Variants in TUBGCP3 observed in about 807,000 individuals in gnomAD.
TUBGCP3 encodes tubulin gamma complex component 3, also known as gamma-tubulin complex component 3.
TUBGCP3 carries 50 observed loss-of-function variants against 123.1 expected under a neutral mutation model. The observed-to-expected ratio is 0.41, with a 90% CI of 0.32 to 0.51. The LOEUF is 0.51. Ranked by LOEUF, TUBGCP3 falls within the 20% of genes least tolerant of loss-of-function variation. TUBGCP3 has a pLI of 0.36. For synonymous variants in TUBGCP3, 405 were observed against 413.9 expected (o/e 0.98, Z 0.26); for missense variants, 882 against 1,127.0 (o/e 0.78, Z 3.11).
At chr13:112,550,393 A>G (rs995275022) in intron 8 of TUBGCP3, among the ~76,000 whole-genome samples, 1 of 152,190 alleles carries the variant, frequency 6.6e-6, no homozygotes, top group African/African-American at 2.4e-5. Context: ...AAATGTGAAC[A>G]TTTTCAAGTA....
At chr13:112,592,320 G>A (rs113529456), upstream of TUBGCP3, among the ~76,000 whole-genome samples, 1,433 of 152,324 alleles carry the variant, frequency 9.4e-3, 25 homozygotes, top group African/African-American at 0.032. The surrounding 1 kb of genome is among the most constrained non-coding windows in gnomAD (Gnocchi z 4.1). Context: ...GTGAGGTGCT[G>A]AGCGAGAGGG....
At chr13:112,505,429 C>T (rs990113055) in intron 17 of TUBGCP3, among the ~76,000 whole-genome samples, 8 of 152,220 alleles carry the variant, frequency 5.3e-5, no homozygotes, top group African/African-American at 1.2e-4. Flanking sequence ...CTGCTTCAAA[C>T]GCCCTCAATG....
Position 112,526,930 on chromosome 13 carries a change from G to C in TUBGCP3, c.1555+12C>G. On this transcript the variant is annotated intron_variant, in intron 13 of 21. Transcript: ENST00000261965. Reference sequence around the variant, plus strand: ...CATTGCCATCATCACCACCCCACCAGCATCATCATACCGTCCTGGGGTGAC... The same window carrying C: ...CATTGCCATCATCACCACCCCACCACCATCATCATACCGTCCTGGGGTGAC... The C allele has an allele frequency of 6.3e-7, 1 of 1,586,150 alleles. No individual in the cohort carries two copies. Among genetic ancestry groups the C allele is most frequent in the Non-Finnish European group, 8.7e-7 (1 of 1,155,402 alleles).
chr13:112,489,316 G>A (rs1280396722), intron 21 of TUBGCP3, among the ~76,000 whole-genome samples: 1 of 152,206 alleles, frequency 6.6e-6, no homozygotes, highest in Non-Finnish European at 1.5e-5. Context: ...GGGAGCACTG[G>A]GGCCACCCCC....
Position 112,522,498 on chromosome 13 carries a change from A to C in TUBGCP3, c.1567T>G (p.Phe523Val). 1.2e-6 allele frequency: 2 copies of C among 1,613,036 alleles called. No individual in the cohort carries two copies. Among genetic ancestry groups the C allele is most frequent in the Non-Finnish European group, 8.5e-7 (1 of 1,179,062 alleles). Residue 523 changes from phenylalanine to valine, a missense_variant, in exon 14 of 22, where the codon TTC becomes GTC. Phe to Val is a conservative substitution (Grantham distance 50). This residue lies in a region of TUBGCP3 where 713 missense variants were observed against 874.0 expected (regional missense o/e 0.82). Transcript: ENST00000261965. ...AESPQDAADLFTDLENAFQGK... is the reference protein window; with the variant it reads ...AESPQDAADLVTDLENAFQGK... ...TGAAATGCATTTTCCAAGTCTGTGA[A>C]TAGGTCTGCAGCTGTAAAGAACAAC...
chr13:112,510,113 A>G (rs1485457438), intron 17 of TUBGCP3, among the ~76,000 whole-genome samples: 1 of 152,014 alleles, frequency 6.6e-6, no homozygotes, highest in East Asian at 1.9e-4. Context: ...CCGATACACA[A>G]AACTGGGCAG....
chr13:112,504,547 C>CATATAT lies in TUBGCP3; in HGVS notation c.2175+73_2175+78dup, dbSNP rs3832905. On this transcript the variant is annotated intron_variant, in intron 18 of 21. Transcript: ENST00000261965. ...ACATATATATACACACATACATACA[C>CATATAT]ATATATATATATATATACCATGTAA... 1.3e-5 allele frequency: 11 copies of CATATAT among 869,694 alleles called. No individual in the cohort carries two copies. The African/African-American group carries it at 1.9e-4, about 15-fold the overall frequency. The allele number at this position is 869,694 out of a possible 1,614,324, so 53.9% of individuals were successfully genotyped here.
chr13:112,525,233 A>C (rs888871954), intron 13 of TUBGCP3, among the ~76,000 whole-genome samples: 1 of 152,186 alleles, frequency 6.6e-6, no homozygotes, highest in Non-Finnish European at 1.5e-5. Flanking sequence ...TTCCATGCAC[A>C]TTATTCCTTT....
In TUBGCP3 at chr13:112,569,198, A is replaced by T; in HGVS notation, c.138T>A (p.Thr46=). The T allele has an allele frequency of 1.2e-6, 2 of 1,614,168 alleles. No homozygotes were observed. Among genetic ancestry groups the T allele is most frequent in the African/African-American group, 1.3e-5 (1 of 75,048 alleles). ...CTACTAAAAATTCATCTCTTTCAACAGTTGGGGCGAAGTTGCTGCCAATCA... is the reference window on the plus strand; with the variant it reads ...CTACTAAAAATTCATCTCTTTCAACTGTTGGGGCGAAGTTGCTGCCAATCA... ...VRVIGSNFAP[T]VERDEFLVAE... The change falls in exon 2 of 22, where the codon ACT becomes ACA. Residue 46 remains threonine, a synonymous_variant. Transcript: ENST00000261965.
intron 11 of TUBGCP3, among the ~76,000 whole-genome samples, chr13:112,544,301 A>AG (rs1878797781): frequency 6.6e-6 from 1 of 151,954 alleles, no homozygotes; most frequent in Non-Finnish European, 1.5e-5. Flanking sequence ...AAAATACAAA[A>AG]ATTAGCCAGG....
At chr13:112,569,901 C>A (rs1467256278) in intron 1 of TUBGCP3, among the ~76,000 whole-genome samples, 2 of 152,130 alleles carry the variant, frequency 1.3e-5, no homozygotes, top group Non-Finnish European at 2.9e-5. Context: ...AACCGGAACA[C>A]TAAATGTCCG....
At chr13:112,565,285 G>A in intron 2 of TUBGCP3, 107 bp from the exon 3 acceptor site, 1 of 943,658 alleles carries the variant, frequency 1.1e-6, no homozygotes, top group East Asian at 2.5e-5. Context: ...TGAATTCAGA[G>A]TCAAAAGTCA....
intron 8 of TUBGCP3, among the ~76,000 whole-genome samples, chr13:112,549,314 T>C (rs2139186516): frequency 6.6e-6 from 1 of 151,666 alleles, no homozygotes; most frequent in East Asian, 1.9e-4. Flanking sequence ...GGTGGGGAAC[T>C]TGGATACCGG....
rs572914321 is a variant in TUBGCP3 at position 112,524,380 on chromosome 13, T to G, written c.1556-1871A>C. On this transcript the variant is annotated intron_variant, in intron 13 of 21. Transcript: ENST00000261965. This position sits in a 1 kb window ranked among gnomAD's most constrained non-coding sequence, Gnocchi z 4.4. ...GCCGCCAGCAGCACAGCAGACGCGGTGCTCACACAAGCAGCAGCAACCTTC... is the reference window on the plus strand; with the variant it reads ...GCCGCCAGCAGCACAGCAGACGCGGGGCTCACACAAGCAGCAGCAACCTTC... 1.6e-3 allele frequency among the ~76,000 whole-genome samples: 240 copies of G among 152,174 alleles called. 2 individuals are homozygous for G. Among genetic ancestry groups the G allele is most frequent in the Admixed American group, 0.014 (220 of 15,298 alleles).
rs1447681514 is a variant in TUBGCP3, at chr13:112,554,182, C to T, written c.841G>A (p.Ala281Thr). 1.9e-6 allele frequency: 3 copies of T among 1,612,398 alleles called. No homozygotes were observed. The highest frequency in any genetic ancestry group is 2.5e-6 in the Non-Finnish European group (3 of 1,179,636). ...TENCYKVEGKANLSRSLRDTA... is the reference protein window; with the variant it reads ...TENCYKVEGKTNLSRSLRDTA... ...TCTCTCAAAGACCTACTTAGATTTG[C>T]CTAAAAAGTAAATACATCAAATGTT... Residue 281 changes from alanine (A) to threonine (T), a missense_variant and splice_region_variant, in exon 8 of 22, where the codon GCA becomes ACA. Physicochemically the swap from Ala to Thr is moderately conservative, Grantham distance 58. This residue lies in a region of TUBGCP3 where 713 missense variants were observed against 874.0 expected (regional missense o/e 0.82). Coordinates refer to ENST00000261965, the MANE Select transcript of TUBGCP3 (RefSeq NM_006322.6).
chr13:112,585,095 A>C (rs1461294300), intron 1 of TUBGCP3, among the ~76,000 whole-genome samples: 1 of 152,224 alleles, frequency 6.6e-6, no homozygotes, highest in Non-Finnish European at 1.5e-5. Context: ...ATTCATATGA[A>C]ATTCTCATTA....
At chr13:112,571,520 A>G (rs1235239230) in intron 1 of TUBGCP3, among the ~76,000 whole-genome samples, 1 of 151,994 alleles carries the variant, frequency 6.6e-6, no homozygotes, top group East Asian at 1.9e-4. Flanking sequence ...CATAACTCCT[A>G]AGGGCCCCAG....
At chr13:112,595,199 A>G in the TUBGCP3 span, among the ~76,000 whole-genome samples, 1 of 147,500 alleles carries the variant, frequency 6.8e-6, no homozygotes, top group East Asian at 1.9e-4. Context: ...ATCAATTAAT[A>G]CATTTTTTTT....
At chr13:112,600,412 T>G in the TUBGCP3 span, among the ~76,000 whole-genome samples, 1 of 152,182 alleles carries the variant, frequency 6.6e-6, no homozygotes, top group South Asian at 2.1e-4. Context: ...ATTTATAAAT[T>G]TATACTCACT....
Sources: allele counts gnomAD v4.1 joint callset (sites outside exome capture counted in the v4.1 genomes callset), GRCh38; gene constraint gnomAD v4.1.1; regional missense constraint gnomAD v4.1.1; non-coding constraint Gnocchi (gnomAD v3.1); transcripts MANE v1.5; gene names NCBI Gene and HGNC (gene_info 2026-07-23, HGNC 2026-07-21).